Variants in NHLRC2 observed in about 807,000 individuals in gnomAD.
The protein encoded by NHLRC2 is NHL repeat containing 2.
In NHLRC2, 33 loss-of-function variants were observed where a neutral mutation model predicts 68.1. The observed-to-expected ratio is 0.48, with a 90% CI of 0.37 to 0.65. The LOEUF (loss-of-function observed/expected upper bound fraction) is 0.65, where lower values mean the gene tolerates loss of function less well. NHLRC2 is among the 30% of genes least tolerant of loss of function. The pLI is 0.00. For synonymous variants in NHLRC2, 311 were observed against 309.6 expected, an observed-to-expected ratio of 1.00 and a Z score of -0.05; for missense variants, 761 against 853.8, an observed-to-expected ratio of 0.89 and a Z score of 1.35.
chr10:113,863,985 A>G (rs1011299878), intron 2 of NHLRC2, among the ~76,000 whole-genome samples: 6 of 152,168 alleles, frequency 3.9e-5, no homozygotes, highest in African/African-American at 1.4e-4. Context: ...GAAACAACCT[A>G]AGTGTCCATT....
intron 2 of NHLRC2, among the ~76,000 whole-genome samples, chr10:113,875,264 G>A (rs1027216362): frequency 1.3e-5 from 2 of 151,888 alleles, no homozygotes; most frequent in Non-Finnish European, 2.9e-5. Context: ...ATCAGCTCTC[G>A]CTCCTTCTGT....
At position 113,855,037 on chromosome 10, in the gene NHLRC2, C is replaced by T. The variant is rs1386650800; in HGVS notation, c.165C>T (p.Pro55=). The T allele has an allele frequency of 1.3e-6, 2 of 1,552,306 alleles. No homozygotes were observed. The highest frequency in any genetic ancestry group is 1.2e-5 in the South Asian group (1 of 84,096). ...VDGWEQDLSV[P]EFPEGLEWLN... is the part of the protein sequence containing the mutation. ...GCTGGGAGCAGGACTTGTCAGTACC[C>T]GAGTTTCCGGAAGGTGAGGGGCTGG... Residue 55 remains proline (P), a synonymous_variant, in exon 1 of 11, where the codon CCC becomes CCT. Coordinates refer to ENST00000369301, the MANE Select transcript of NHLRC2 (RefSeq NM_198514.4).
intron 4 of NHLRC2, among the ~76,000 whole-genome samples, chr10:113,881,484 T>G (rs1846035811): frequency 6.6e-6 from 1 of 151,820 alleles, no homozygotes. Context: ...TTGAATTGAT[T>G]ATATTCTCAT....
rs1452232677 is a variant in NHLRC2, at chr10:113,913,074, C to T, written c.*4538C>T. 6.6e-6 allele frequency: 1 copy of T among 152,066 alleles called. No homozygotes were observed. The highest frequency in any genetic ancestry group is 2.4e-5 in the African/African-American group (1 of 41,386). 9.4% of individuals were successfully genotyped at this position (152,066 alleles called of 1,614,324 possible). ...CTTTTATGTATTAACTCATTTAATC[C>T]ACACAACAACCTTATGTGAGAAATA... is the stretch of plus-strand genomic sequence containing the variant. On this transcript the variant is annotated 3_prime_UTR_variant, in exon 11 of 11. Coordinates refer to ENST00000369301, the MANE Select transcript of NHLRC2 (RefSeq NM_198514.4).
Position 113,915,601 on chromosome 10 carries a change from A to C in NHLRC2, c.*7065A>C. On this transcript the variant is annotated 3_prime_UTR_variant, in exon 11 of 11. Coordinates refer to ENST00000369301, the MANE Select transcript of NHLRC2 (RefSeq NM_198514.4). ...TAGACAAAATCAGCTCTCAGACTTA[A>C]CTCTCCCCAATTAAAATAGTTTTTT... The C allele has an allele frequency of 4.5e-6, 1 of 223,860 alleles. No homozygotes were observed. The highest frequency in any genetic ancestry group is 6.0e-5 in the South Asian group (1 of 16,724). The allele number at this position is 223,860 out of a possible 1,614,324, so 13.9% of individuals were successfully genotyped here. A position where few individuals can be genotyped will look rare whatever the true frequency, so the allele number is the denominator to read the frequency against.
chr10:113,911,751 C>G lies in NHLRC2; in HGVS notation c.*3215C>G, dbSNP rs1846331601. On this transcript the variant is annotated 3_prime_UTR_variant, in exon 11 of 11. Transcript: ENST00000369301. ...TTAGATTTGGCATCACGTTTAACCA[C>G]AATCATCAAAATCTACTTAAATTCT... 1 of 152,164 alleles carries G rather than the reference C, an allele frequency of 6.6e-6. No homozygotes were observed. Among genetic ancestry groups the G allele is most frequent in the Non-Finnish European group, 1.5e-5 (1 of 67,992 alleles). 9.4% of individuals were successfully genotyped at this position (152,164 alleles called of 1,614,324 possible). A position where few individuals can be genotyped will look rare whatever the true frequency, so the allele number is the denominator to read the frequency against.
At chr10:113,870,213 A>G (rs1845909314) in intron 2 of NHLRC2, among the ~76,000 whole-genome samples, 1 of 152,026 alleles carries the variant, frequency 6.6e-6, no homozygotes, top group African/African-American at 2.4e-5. Context: ...TTTGTATTTC[A>G]TTTTAAGTCC....
chr10:113,872,422 A>G (rs545827746), intron 2 of NHLRC2, among the ~76,000 whole-genome samples: 1 of 152,308 alleles, frequency 6.6e-6, no homozygotes, highest in South Asian at 2.1e-4. Context: ...ACATCTATAT[A>G]AAAACTACTG....
intron 6 of NHLRC2, among the ~76,000 whole-genome samples, chr10:113,899,062 C>T (rs534712737): frequency 6.6e-6 from 1 of 152,170 alleles, no homozygotes; most frequent in Non-Finnish European, 1.5e-5. Context: ...TGTGACCTCA[C>T]TGTACCTGGT....
Position 113,901,710 on chromosome 10 carries a change from A to C in NHLRC2, c.1184A>C (p.Asn395Thr). ...TGCCTTAGGTTTGCTGGAAGTGGAA[A>C]TGAAGAGAATCGAAACAATGCCTAT... ...GTCLRFAGSG[N>T]EENRNNAYPH... Residue 395 changes from asparagine to threonine, a missense_variant, in exon 7 of 11, where the codon AAT becomes ACT. Transcript: ENST00000369301. 1.2e-6 allele frequency: 2 copies of C among 1,614,196 alleles called. No homozygotes were observed. Among genetic ancestry groups the C allele is most frequent in the South Asian group, 2.2e-5 (2 of 91,084 alleles).
intron 4 of NHLRC2, among the ~76,000 whole-genome samples, chr10:113,883,705 A>C (rs1173259302): frequency 6.6e-6 from 1 of 151,942 alleles, no homozygotes; most frequent in East Asian, 1.9e-4. Context: ...CAGGTCCCAG[A>C]TTCTTGACTT....
In NHLRC2 at chr10:113,915,309, G is replaced by T. The variant is rs1277910086; in HGVS notation, c.*6773G>T. 1 of 448,760 alleles carries T rather than the reference G, an allele frequency of 2.2e-6. No individual in the cohort carries two copies. The highest frequency in any genetic ancestry group is 4.5e-6 in the Non-Finnish European group (1 of 223,122). 27.8% of individuals were successfully genotyped at this position (448,760 alleles called of 1,614,324 possible). A position where few individuals can be genotyped will look rare whatever the true frequency, so the allele number is the denominator to read the frequency against. On this transcript the variant is annotated 3_prime_UTR_variant, in exon 11 of 11. Coordinates refer to ENST00000369301, the MANE Select transcript of NHLRC2 (RefSeq NM_198514.4). ...TAAAAAGCACTAAACAAGCACAAAT[G>T]AACACTAAATAGCCTTATACCAAAA...
At chr10:113,862,453 A>G (rs1168629232) in intron 2 of NHLRC2, among the ~76,000 whole-genome samples, 2 of 151,950 alleles carry the variant, frequency 1.3e-5, no homozygotes, top group African/African-American at 2.4e-5. Context: ...AAGAATTTAA[A>G]TGTTTCACTA....
At position 113,865,241 on chromosome 10, in the gene NHLRC2, G is replaced by A. The variant is rs552110904; in HGVS notation, c.331+6561G>A. On this transcript the variant is annotated intron_variant, in intron 2 of 10. Coordinates refer to ENST00000369301, the MANE Select transcript of NHLRC2 (RefSeq NM_198514.4). ...TGGGATTACAGGTGTGAGCCACCGC[G>A]CCCGGCCACAAATGAGAGGTTTTTA... Among the ~76,000 whole-genome samples the A allele has an allele frequency of 1.1e-4, 17 of 151,060 alleles. No homozygotes were observed. In the South Asian group the frequency reaches 2.9e-3, roughly 26 times the overall value.
chr10:113,908,720 T>C lies in NHLRC2; in HGVS notation c.*184T>C. ...CTTACTTCTTTTATTATAAACAAATTCCTTTGCTTTGGCTGATACTAGCTG... is the reference window on the plus strand; with the variant it reads ...CTTACTTCTTTTATTATAAACAAATCCCTTTGCTTTGGCTGATACTAGCTG... On this transcript the variant is annotated 3_prime_UTR_variant, in exon 11 of 11. Coordinates refer to ENST00000369301, the MANE Select transcript of NHLRC2 (RefSeq NM_198514.4). The C allele has an allele frequency of 1.7e-6, 1 of 605,206 alleles. No individual in the cohort carries two copies. Among genetic ancestry groups the C allele is most frequent in the Non-Finnish European group, 2.9e-6 (1 of 347,446 alleles). The allele number at this position is 605,206 out of a possible 1,614,324, so 37.5% of individuals were successfully genotyped here. A position where few individuals can be genotyped will look rare whatever the true frequency, so the allele number is the denominator to read the frequency against.
intron 2 of NHLRC2, among the ~76,000 whole-genome samples, chr10:113,867,558 CTCA>C (rs1845880051): frequency 6.6e-6 from 1 of 152,208 alleles, no homozygotes; most frequent in South Asian, 2.1e-4. Flanking sequence ...CCACACCCTT[CTCA>C]TCCTTCCTCA....
Position 113,915,543 on chromosome 10 carries a change from A to G in NHLRC2, c.*7007A>G. ...GGTTATCTATTTCCATTTGAAATAA[A>G]ATGAAAGGAGACCTCAAACTGATGC... is the stretch of plus-strand genomic sequence containing the variant. On this transcript the variant is annotated 3_prime_UTR_variant, in exon 11 of 11. Coordinates refer to ENST00000369301, the MANE Select transcript of NHLRC2 (RefSeq NM_198514.4). 2 of 264,400 alleles carry G rather than the reference A, an allele frequency of 7.6e-6. No individual in the cohort carries two copies. The highest frequency in any genetic ancestry group is 7.7e-5 in the South Asian group (2 of 25,904). The allele number at this position is 264,400 out of a possible 1,614,324, so 16.4% of individuals were successfully genotyped here.
chr10:113,881,632 A>G (rs1482862112), intron 4 of NHLRC2, among the ~76,000 whole-genome samples: 1 of 151,698 alleles, frequency 6.6e-6, no homozygotes, highest in East Asian at 1.9e-4. Context: ...CCATTGTGAT[A>G]CGTTTAATGC....
intron 2 of NHLRC2, among the ~76,000 whole-genome samples, chr10:113,863,184 C>T (rs909148711): frequency 3.9e-5 from 6 of 152,098 alleles, no homozygotes; most frequent in African/African-American, 9.7e-5. Flanking sequence ...AACAGGATTG[C>T]GTATGGGACA....
Sources: gnomAD v4.1 joint callset for allele counts (sites outside exome capture counted in the v4.1 genomes callset) on GRCh38, gnomAD v4.1.1 for gene constraint, MANE v1.5 for transcripts, NCBI Gene and HGNC (gene_info 2026-07-23, HGNC 2026-07-21) for gene names.